HOMER2: variants seen among roughly 807,000 people sequenced by gnomAD.
The protein encoded by HOMER2 is homer scaffold protein 2.
HOMER2 carries 27 observed loss-of-function variants against 47.0 expected under a neutral mutation model. The ratio of observed to expected loss-of-function variants is 0.57; its 90% CI spans 0.42 to 0.79. The LOEUF is 0.79. HOMER2 is among the 30% of genes least tolerant of loss of function. HOMER2 has a pLI of 0.00. For synonymous variants in HOMER2, 161 were observed against 163.8 expected, an observed-to-expected ratio of 0.98 and a Z score of 0.13; for missense variants, 443 against 435.0, an observed-to-expected ratio of 1.02 and a Z score of -0.16.
Position 82,932,802 on chromosome 15 carries a change from G to A in HOMER2, c.5+19729C>T, listed in dbSNP as rs529025690. 2.6e-5 allele frequency among the ~76,000 whole-genome samples: 4 copies of A among 152,264 alleles called. No individual in the cohort carries two copies. The South Asian group carries it at 8.3e-4, about 32-fold the overall frequency. ...CTCCTCAGAACAAGGTTTGGACAAA[G>A]CTTTTGGCGGCATCACAGGCCTTCT... is the stretch of plus-strand genomic sequence containing the variant. On this transcript the variant is annotated intron_variant, in intron 1 of 8. Coordinates refer to ENST00000450735, the MANE Select transcript of HOMER2 (RefSeq NM_004839.4).
intron 1 of HOMER2, among the ~76,000 whole-genome samples, chr15:82,978,356 G>A (rs772421919): frequency 6.6e-5 from 10 of 152,108 alleles, no homozygotes; most frequent in Non-Finnish European, 1.5e-4. Context: ...ATAAATGCAT[G>A]ACTAGGTATA....
chr15:82,938,897 CCT>C (rs1331139193), intron 1 of HOMER2, among the ~76,000 whole-genome samples: 2 of 152,122 alleles, frequency 1.3e-5, no homozygotes, highest in African/African-American at 2.4e-5. Context: ...TTCTGCAACC[CCT>C]CTCTCCTCCA....
intron 1 of HOMER2, among the ~76,000 whole-genome samples, chr15:82,900,097 T>C (rs1268841694): frequency 1.3e-5 from 2 of 152,056 alleles, no homozygotes; most frequent in Non-Finnish European, 1.5e-5. Flanking sequence ...ATACAATTTC[T>C]TGGACTCTAT....
intron 1 of HOMER2, among the ~76,000 whole-genome samples, chr15:82,974,936 G>A (rs8027009): frequency 6.6e-6 from 1 of 152,184 alleles, no homozygotes; most frequent in African/African-American, 2.4e-5. Flanking sequence ...TGGGCGTGGT[G>A]GTGGGCGCCT....
At chr15:82,882,793 C>T (rs2052565917) in intron 2 of HOMER2, among the ~76,000 whole-genome samples, 1 of 151,556 alleles carries the variant, frequency 6.6e-6, no homozygotes, top group South Asian at 2.1e-4. Flanking sequence ...AGAGCCTGTG[C>T]TCTTTGGCTG....
intron 3 of HOMER2, among the ~76,000 whole-genome samples, chr15:82,869,402 A>G (rs1472505772): frequency 1.3e-5 from 2 of 150,262 alleles, no homozygotes; most frequent in Non-Finnish European, 3.0e-5. Flanking sequence ...GAAATAAACA[A>G]TATGATATTA....
chr15:82,843,468 AAAAAG>A lies in HOMER2; in HGVS notation c.*3801_*3805del, dbSNP rs1249493748. 2.9e-4 allele frequency: 41 copies of A among 139,730 alleles called. 1 individual carries two copies. Among genetic ancestry groups the A allele is most frequent in the Non-Finnish European group, 5.1e-4 (32 of 63,238 alleles). 8.7% of individuals were successfully genotyped at this position (139,730 alleles called of 1,614,324 possible). On this transcript the variant is annotated 3_prime_UTR_variant, in exon 2 of 2. Coordinates refer to the HOMER2 transcript ENST00000558090. The stretch of plus-strand genomic sequence containing the variant: ...AAAAAAAAAAAAAAAAAAAAAAAAA[AAAAAG>A]AATTGGAAAGACCTGCATAAGCATG...
At chr15:82,860,793 C>G (rs540022594) in intron 4 of HOMER2, among the ~76,000 whole-genome samples, 3 of 151,924 alleles carry the variant, frequency 2.0e-5, no homozygotes, top group Non-Finnish European at 4.4e-5. Context: ...AAAAATTAGC[C>G]AGACATGGTG....
intron 1 of HOMER2, among the ~76,000 whole-genome samples, chr15:82,942,093 A>G (rs1344704712): frequency 1.3e-5 from 2 of 152,158 alleles, no homozygotes; most frequent in East Asian, 3.9e-4. Flanking sequence ...TTATCCTTCA[A>G]GATTTAGCTT....
intron 1 of HOMER2, among the ~76,000 whole-genome samples, chr15:82,943,290 C>T (rs775715879): frequency 1.1e-4 from 16 of 152,186 alleles, no homozygotes; most frequent in Non-Finnish European, 2.1e-4. Flanking sequence ...AGGGCTGGGG[C>T]TTGAGCTGTA....
At chr15:82,874,366 C>T (rs891097264) in intron 3 of HOMER2, among the ~76,000 whole-genome samples, 2 of 152,172 alleles carry the variant, frequency 1.3e-5, no homozygotes, top group Non-Finnish European at 2.9e-5. Flanking sequence ...TCAGTCTTAC[C>T]TTAAACCAAA....
At chr15:82,901,462 C>T (rs897771282) in intron 1 of HOMER2, among the ~76,000 whole-genome samples, 1 of 152,152 alleles carries the variant, frequency 6.6e-6, no homozygotes, top group South Asian at 2.1e-4. Context: ...TCAAACAGCA[C>T]CCCTGAACCC....
chr15:82,862,707 A>T (rs949563665), intron 4 of HOMER2, among the ~76,000 whole-genome samples: 3 of 152,196 alleles, frequency 2.0e-5, no homozygotes, highest in African/African-American at 7.2e-5. Flanking sequence ...GTTCCTGTCT[A>T]CCTGAAATCG....
At chr15:82,854,158 A>G (rs2051489298) in intron 6 of HOMER2, among the ~76,000 whole-genome samples, 1 of 152,226 alleles carries the variant, frequency 6.6e-6, no homozygotes, top group Non-Finnish European at 1.5e-5. Context: ...TAATCCTGGC[A>G]CTTCAGGAGG....
chr15:82,870,821 G>A (rs560401115), intron 3 of HOMER2, among the ~76,000 whole-genome samples: 12 of 152,130 alleles, frequency 7.9e-5, no homozygotes, highest in Non-Finnish European at 1.3e-4. Context: ...TGCACGTATC[G>A]GGGTTTGGCC....
upstream of HOMER2, among the ~76,000 whole-genome samples, chr15:82,953,682 G>A (rs980268080): frequency 8.5e-5 from 13 of 152,268 alleles, no homozygotes; most frequent in Admixed American, 7.8e-4. Flanking sequence ...GGCCATCCTG[G>A]CTAACACGGT....
At chr15:82,909,756 C>G (rs2053400171) in intron 1 of HOMER2, among the ~76,000 whole-genome samples, 1 of 152,144 alleles carries the variant, frequency 6.6e-6, no homozygotes, top group Non-Finnish European at 1.5e-5. Flanking sequence ...AACTTTTCCA[C>G]TCTTGGATTT....
chr15:82,879,483 G>A (rs1318710897), intron 2 of HOMER2, among the ~76,000 whole-genome samples: 1 of 152,090 alleles, frequency 6.6e-6, no homozygotes, highest in Non-Finnish European at 1.5e-5. Flanking sequence ...GGTGACAAAA[G>A]TGAGACCCTA....
intron 3 of HOMER2, among the ~76,000 whole-genome samples, chr15:82,865,997 G>A (rs2051952864): frequency 6.6e-6 from 1 of 152,188 alleles, no homozygotes; most frequent in Non-Finnish European, 1.5e-5. Flanking sequence ...CCCTACTGGG[G>A]CACTGTCTAG....
Sources: allele counts gnomAD v4.1 joint callset (sites outside exome capture counted in the v4.1 genomes callset), GRCh38; gene constraint gnomAD v4.1.1; transcripts MANE v1.5; gene names NCBI Gene and HGNC (gene_info 2026-07-23, HGNC 2026-07-21).